The following PAX6 variants were observed in gnomAD, a reference collection of about 807,000 sequenced individuals.
The protein encoded by PAX6 is paired box protein Pax-6.
A neutral mutation model predicts 60.7 loss-of-function variants in PAX6; 7 were observed. That is an observed-to-expected ratio of 0.12 (90% CI 0.07 to 0.22). PAX6 has a LOEUF of 0.22. Ranked by LOEUF, PAX6 falls within the 10% of genes least tolerant of loss-of-function variation. The probability of loss-of-function intolerance (pLI) is 1.00; values close to 1 mark genes in which losing one functional copy is unlikely to be tolerated. For missense variants in PAX6, 355 were observed against 555.2 expected (o/e 0.64, Z 3.62); for synonymous variants, 208 against 201.2 (o/e 1.03, Z -0.29).
chr11:31,794,713 G>A lies in PAX6; in HGVS notation c.641C>T (p.Ala214Val), dbSNP rs771949142. ...CCGCTTCAGCTGAAGTCGCATTTGA[G>A]CCTCATCTGAATCTTCTCCGTTGGA... ...ISSNGEDSDE[A>V]QMRLQLKRKL... The change falls in exon 9 of 14, where the codon GCT becomes GTT. Residue 214 changes from alanine (A) to valine (V), a missense_variant. Around this residue, in one of 5 missense-constraint regions of PAX6, gnomAD observed 143 missense variants for 183.6 expected, o/e 0.78. Transcript: ENST00000640368. 1.9e-6 allele frequency: 3 copies of A among 1,614,084 alleles called. No individual in the cohort carries two copies. The highest frequency in any genetic ancestry group is 2.2e-5 in the South Asian group (2 of 91,078).
upstream of PAX6, chr11:31,812,336 G>A: frequency 6.4e-6 from 1 of 155,956 alleles, no homozygotes; most frequent in Non-Finnish European, 1.4e-5. Context: ...GTGTGTGTGT[G>A]TGTGTCCCAC....
Position 31,800,820 on chromosome 11 carries a change from T to C in PAX6, c.436A>G (p.Ser146Gly). The C allele has an allele frequency of 6.2e-7, 1 of 1,614,218 alleles. No homozygotes were observed. The highest frequency in any genetic ancestry group is 8.5e-7 in the Non-Finnish European group (1 of 1,180,040). The change falls in exon 8 of 14, where the codon AGC becomes GGC. Residue 146 changes from serine (S) to glycine (G), a missense_variant. This residue lies in a region of PAX6 where 143 missense variants were observed against 183.6 expected (regional missense o/e 0.78). Coordinates refer to ENST00000640368, the MANE Select transcript of PAX6 (RefSeq NM_001368894.2). ...TCTGCGCCCATCTGTTGCTTTTCGC[T>C]AGCCAGGTTGCGAAGAACTCTGTTT... The part of the protein sequence containing the change: ...SINRVLRNLA[S>G]EKQQMGADGM...
In PAX6 at chr11:31,790,779, A is replaced by C. The variant is rs922218028; in HGVS notation, c.1156T>G (p.Tyr386Asp). Reference sequence around the variant, plus strand: ...TGTGTCTGCATATGTGGGGGGGTGTAGGTATCATAACTCCGCCCATTCACC... The same window carrying C: ...TGTGTCTGCATATGTGGGGGGGTGTCGGTATCATAACTCCGCCCATTCACC... ...PSVNGRSYDT[Y>D]TPPHMQTHMN... The change falls in exon 13 of 14, where the codon TAC (tyrosine) becomes GAC (aspartate). Residue 386 changes from tyrosine to aspartate, a missense_variant. Transcript: ENST00000640368. The C allele has an allele frequency of 1.2e-6, 2 of 1,614,086 alleles. No individual in the cohort carries two copies. The highest frequency in any genetic ancestry group is 1.7e-6 in the Non-Finnish European group (2 of 1,180,024).
intron 4 of PAX6, 172 bp downstream of exon 4, chr11:31,806,230 C>T: frequency 3.2e-6 from 2 of 617,664 alleles, no homozygotes; most frequent in Non-Finnish European, 5.4e-6. Flanking sequence ...AAGCAAACGC[C>T]CTCCCCTCCC....
chr11:31,815,334 G>A (rs758734448), upstream of PAX6, among the ~76,000 whole-genome samples: 4 of 152,122 alleles, frequency 2.6e-5, no homozygotes, highest in Admixed American at 2.6e-4. Flanking sequence ...CTGCCCCCAA[G>A]AGGCAAGAGT....
chr11:31,810,610 C>T (rs1956864349), intron 2 of PAX6: 4 of 355,550 alleles, frequency 1.1e-5, no homozygotes, highest in Non-Finnish European at 2.0e-5. Flanking sequence ...GCCCCGAGCC[C>T]TGCGCCGCTC....
intron 4 of PAX6, chr11:31,805,510 A>G (rs1026566053): frequency 1.3e-5 from 2 of 152,514 alleles, no homozygotes; most frequent in African/African-American, 2.4e-5. Flanking sequence ...GGGCCTTTCC[A>G]CACTTTGAGT....
At position 31,810,849 on chromosome 11, in the gene PAX6, G is replaced by C. The variant is rs1956926789; in HGVS notation, c.-150C>G. The stretch of plus-strand genomic sequence containing the variant: ...TCACCTTTATGAGGCATCCTTTCTG[G>C]TTGTCACAGCTTCTGTCAAGAGTTT... On this transcript the variant is annotated 5_prime_UTR_variant, in exon 2 of 14. Coordinates refer to ENST00000640368, the MANE Select transcript of PAX6 (RefSeq NM_001368894.2). The C allele has an allele frequency of 2.5e-6, 1 of 399,040 alleles. No individual in the cohort carries two copies. The highest frequency in any genetic ancestry group is 2.1e-5 in the African/African-American group (1 of 48,644). 24.7% of individuals were successfully genotyped at this position (399,040 alleles called of 1,614,324 possible).
intron 8 of PAX6, among the ~76,000 whole-genome samples, chr11:31,797,983 T>TGAGAGAGAGAGA (rs10694272): frequency 1.4e-4 from 21 of 148,298 alleles, no homozygotes; most frequent in Admixed American, 6.7e-4. Flanking sequence ...TGGAAGGAGG[T>TGAGAGAGAGAGA]GAGAGAGAGA....
At chr11:31,805,308 G>T (rs1955452260) in intron 4 of PAX6, 2 of 152,292 alleles carry the variant, frequency 1.3e-5, no homozygotes, top group South Asian at 2.1e-4. Context: ...TACCGGCCAA[G>T]CCCTGGGGTC....
At chr11:31,811,653 G>A (rs1218305548), upstream of PAX6, 1 of 159,434 alleles carries the variant, frequency 6.3e-6, no homozygotes, top group African/African-American at 2.4e-5. Flanking sequence ...GCTGGACTCG[G>A]GACTCCCAGT....
chr11:31,806,520 TC>T, intron 3 of PAX6, 58 bp from the exon 4 acceptor site: 1 of 1,373,834 alleles, frequency 7.3e-7, no homozygotes, highest in Non-Finnish European at 1.0e-6. Flanking sequence ...AGGCCTGAAC[TC>T]CCAACCGAGG....
rs962179691 is a variant in PAX6, at chr11:31,801,690, C to T, written c.270G>A (p.Pro90=). 6.2e-7 allele frequency: 1 copy of T among 1,614,058 alleles called. No homozygotes were observed. Among genetic ancestry groups the T allele is most frequent in the Non-Finnish European group, 8.5e-7 (1 of 1,180,040 alleles). ...TTACAACTTCTGGAGTCGCTACTCT[C>T]GGTTTACTACCACCGATTGCCCTGG... ...IRPRAIGGSK[P]RVATPEVVSK... The change falls in exon 7 of 14, where the codon CCG becomes CCA. Residue 90 remains proline (P), a synonymous_variant. Transcript: ENST00000640368.
At chr11:31,790,205 T>C (rs1299511381) in intron 13 of PAX6, 186 bp from the exon 14 acceptor site, 11 of 599,712 alleles carry the variant, frequency 1.8e-5, no homozygotes, top group African/African-American at 1.7e-4. Context: ...CTAGACAATA[T>C]ATGTATATAT....
At chr11:31,800,971 G>T in intron 7 of PAX6, 115 bp from the exon 8 acceptor site, 17 of 1,080,210 alleles carry the variant, frequency 1.6e-5, no homozygotes, top group Non-Finnish European at 2.4e-5. Flanking sequence ...AAAGCTCCCA[G>T]CCACCCCGGG....
chr11:31,812,224 G>C (rs989785836), upstream of PAX6: 1 of 150,908 alleles, frequency 6.6e-6, no homozygotes, highest in Admixed American at 6.6e-5. Flanking sequence ...GAAGCCAGGG[G>C]AGATAAGAGG....
intron 1 of PAX6, chr11:31,816,745 C>T: frequency 1.5e-6 from 1 of 665,232 alleles, no homozygotes; most frequent in Non-Finnish European, 2.7e-6. Context: ...ACACCTGTCA[C>T]AGGTGACTGA....
At chr11:31,793,102 G>A in intron 12 of PAX6, 1 of 602,950 alleles carries the variant, frequency 1.7e-6, no homozygotes, top group Non-Finnish European at 2.9e-6. Context: ...CTGATAATGT[G>A]CCAGCATTAT....
chr11:31,790,781 G>C lies in PAX6; in HGVS notation c.1154C>G (p.Thr385Ser). 6.2e-7 allele frequency: 1 copy of C among 1,614,060 alleles called. No homozygotes were observed. The highest frequency in any genetic ancestry group is 8.5e-7 in the Non-Finnish European group (1 of 1,180,004). The stretch of plus-strand genomic sequence containing the variant: ...TGTCTGCATATGTGGGGGGGTGTAG[G>C]TATCATAACTCCGCCCATTCACCGA... ...SPSVNGRSYD[T>S]YTPPHMQTHM... The change falls in exon 13 of 14, where the codon ACC becomes AGC. Residue 385 changes from threonine to serine, a missense_variant. Around this residue, in one of 5 missense-constraint regions of PAX6, gnomAD observed 149 missense variants for 191.9 expected, o/e 0.78. Transcript: ENST00000640368.
Sources: allele counts gnomAD v4.1 joint callset (sites outside exome capture counted in the v4.1 genomes callset), GRCh38; gene constraint gnomAD v4.1.1; regional missense constraint gnomAD v4.1.1; transcripts MANE v1.5; gene names NCBI Gene and HGNC (gene_info 2026-07-23, HGNC 2026-07-21).